VWA8: variants seen among roughly 807,000 people sequenced by gnomAD.
VWA8 encodes von Willebrand factor A domain-containing protein 8.
Under a neutral mutation model 241.5 loss-of-function variants are expected in VWA8, and 221 were observed. The ratio of observed to expected loss-of-function variants is 0.91; its 90% confidence interval spans 0.82 to 1.02. VWA8 has a LOEUF of 1.02. Ranked by LOEUF, VWA8 falls within the 50% of genes least tolerant of loss-of-function variation. The probability of loss-of-function intolerance (pLI) is 0.00; values close to 1 mark genes in which losing one functional copy is unlikely to be tolerated. For missense variants in VWA8, 2,322 were observed against 2,328.7 expected (o/e 1.00, Z 0.06); for synonymous variants, 852 against 827.1 (o/e 1.03, Z -0.52).
intron 37 of VWA8, among the ~76,000 whole-genome samples, chr13:41,663,223 A>AC (rs1369191006): frequency 6.6e-5 from 10 of 151,838 alleles, no homozygotes; most frequent in Non-Finnish European, 1.0e-4. Flanking sequence ...ATTCAGTTAC[A>AC]TAAAAAAAAA....
intron 37 of VWA8, among the ~76,000 whole-genome samples, chr13:41,621,587 G>T (rs1476471440): frequency 6.6e-6 from 1 of 152,184 alleles, no homozygotes; most frequent in African/African-American, 2.4e-5. Flanking sequence ...GAAGAGGTAT[G>T]AAAGGCAAAT....
At chr13:41,853,158 G>A (rs1034348559) in intron 12 of VWA8, among the ~76,000 whole-genome samples, 4 of 152,102 alleles carry the variant, frequency 2.6e-5, no homozygotes, top group African/African-American at 9.7e-5. Context: ...CTTTAGCTAG[G>A]ACTTTCAATA....
chr13:41,960,913 C>G lies in VWA8; in HGVS notation c.103G>C (p.Gly35Arg), dbSNP rs1317585372. ...LLRQVVQRRP[G>R]GDRQRPEVRL... is the part of the protein sequence containing the mutation. ...ACCTCCGGCCGCTGCCTGTCGCCAC[C>G]CGGCCTGCGCTGCACCACCTGCCGC... Residue 35 changes from glycine (G) to arginine (R), a missense_variant, in exon 1 of 45, where the codon GGT (glycine) becomes CGT (arginine). Gly to Arg is a moderately radical substitution (Grantham distance 125, BLOSUM62 -2). Transcript: ENST00000379310. The G allele has an allele frequency of 1.3e-6, 2 of 1,510,158 alleles. No individual in the cohort carries two copies. Among genetic ancestry groups the G allele is most frequent in the African/African-American group, 2.9e-5 (2 of 69,468 alleles). 93.5% of individuals were successfully genotyped at this position (1,510,158 alleles called of 1,614,324 possible).
chr13:41,928,325 G>T (rs1876945422), intron 2 of VWA8, among the ~76,000 whole-genome samples: 1 of 151,872 alleles, frequency 6.6e-6, no homozygotes, highest in Non-Finnish European at 1.5e-5. Flanking sequence ...ACATGAAATG[G>T]TCTCCAAAAT....
intron 1 of VWA8, among the ~76,000 whole-genome samples, chr13:41,955,133 C>A (rs1878296926): frequency 1.3e-5 from 2 of 152,020 alleles, no homozygotes; most frequent in South Asian, 4.2e-4. Context: ...TTGAAAACAT[C>A]CCACCTACTA....
Position 41,690,147 on chromosome 13 carries a change from C to T in VWA8, c.3976+19G>A. On this transcript the variant is annotated intron_variant, in intron 33 of 44. Coordinates refer to ENST00000379310, the MANE Select transcript of VWA8 (RefSeq NM_015058.2). The stretch of plus-strand genomic sequence containing the variant: ...GCATGCACTCACACAGCCATAAACA[C>T]AGATGACATAGTATTTACCTTGTGT... The T allele has an allele frequency of 6.2e-7, 1 of 1,601,526 alleles. No individual in the cohort carries two copies. Among genetic ancestry groups the T allele is most frequent in the Non-Finnish European group, 8.5e-7 (1 of 1,170,410 alleles).
intron 2 of VWA8, among the ~76,000 whole-genome samples, chr13:41,916,778 G>T (rs536122585): frequency 3.3e-5 from 5 of 152,094 alleles, no homozygotes; most frequent in Non-Finnish European, 7.4e-5. Context: ...TTAAAAGCAC[G>T]CCAGAAATAG....
intron 17 of VWA8, among the ~76,000 whole-genome samples, chr13:41,803,591 C>G (rs566124915): frequency 6.6e-6 from 1 of 152,258 alleles, no homozygotes; most frequent in East Asian, 1.9e-4. Context: ...GACTTATTCA[C>G]TATTACAAGA....
chr13:41,799,549 T>C (rs1869853483), intron 17 of VWA8, among the ~76,000 whole-genome samples: 1 of 152,158 alleles, frequency 6.6e-6, no homozygotes, highest in African/African-American at 2.4e-5. Flanking sequence ...CAGGGAGCAC[T>C]TCCAGACTCT....
intron 18 of VWA8, among the ~76,000 whole-genome samples, chr13:41,785,570 T>G (rs908252091): frequency 2.0e-5 from 3 of 152,078 alleles, no homozygotes; most frequent in African/African-American, 7.2e-5. Flanking sequence ...TTCTATGGAG[T>G]GCTGTGAACA....
At chr13:41,580,021 A>ATT (rs768774373) in intron 42 of VWA8, among the ~76,000 whole-genome samples, 1 of 139,658 alleles carries the variant, frequency 7.2e-6, no homozygotes, top group Non-Finnish European at 1.6e-5. Flanking sequence ...TAATTTTTGT[A>ATT]TTTTTTTTTT....
At chr13:41,582,954 T>G (rs142597789) in intron 42 of VWA8, among the ~76,000 whole-genome samples, 40 of 152,248 alleles carry the variant, frequency 2.6e-4, no homozygotes, top group African/African-American at 8.9e-4. Context: ...CCCAAACATT[T>G]ATAGTCAGCC....
At chr13:41,725,716 C>T (rs2045427671) in intron 24 of VWA8, among the ~76,000 whole-genome samples, 1 of 152,252 alleles carries the variant, frequency 6.6e-6, no homozygotes, top group South Asian at 2.1e-4. Flanking sequence ...AGTATTCTTA[C>T]AGGCATTAAA....
intron 42 of VWA8, among the ~76,000 whole-genome samples, chr13:41,585,632 G>A (rs1044361943): frequency 6.6e-6 from 1 of 152,124 alleles, no homozygotes; most frequent in Non-Finnish European, 1.5e-5. Context: ...TTGGGAGGCT[G>A]AGATGGGCAG....
At chr13:41,594,923 G>A (rs2044478720) in intron 40 of VWA8, among the ~76,000 whole-genome samples, 1 of 152,186 alleles carries the variant, frequency 6.6e-6, no homozygotes. Flanking sequence ...AAGAATTTGG[G>A]TTTAAATTTG....
intron 12 of VWA8, among the ~76,000 whole-genome samples, chr13:41,863,002 C>G (rs148979441): frequency 6.6e-6 from 1 of 152,084 alleles, no homozygotes. Context: ...TGAGTGTCAA[C>G]TTGATTAGAT....
intron 4 of VWA8, among the ~76,000 whole-genome samples, chr13:41,895,141 C>T (rs1344480943): frequency 2.0e-5 from 3 of 151,926 alleles, no homozygotes; most frequent in African/African-American, 7.3e-5. Flanking sequence ...GGTCTGTTTA[C>T]TGAGTGGGAA....
At chr13:41,841,012 G>A (rs1289655740) in intron 12 of VWA8, among the ~76,000 whole-genome samples, 2 of 152,150 alleles carry the variant, frequency 1.3e-5, no homozygotes, top group African/African-American at 4.8e-5. Context: ...GAAGAGCCAT[G>A]TACAATTATG....
intron 13 of VWA8, among the ~76,000 whole-genome samples, chr13:41,832,165 G>C (rs1329818608): frequency 2.6e-5 from 4 of 152,014 alleles, no homozygotes; most frequent in Non-Finnish European, 5.9e-5. Context: ...TCTTGACCTC[G>C]TGATCTGCCC....
Sources: gnomAD v4.1 joint callset for allele counts (sites outside exome capture counted in the v4.1 genomes callset) on GRCh38, gnomAD v4.1.1 for gene constraint, MANE v1.5 for transcripts, NCBI Gene and HGNC (gene_info 2026-07-23, HGNC 2026-07-21) for gene names.